ANKRD30BL: variants seen among roughly 807,000 people sequenced by gnomAD.
The protein encoded by ANKRD30BL is ankyrin repeat domain 30B like.
Under a neutral mutation model 18.4 loss-of-function variants are expected in ANKRD30BL, and 20 were observed. The ratio of observed to expected loss-of-function variants is 1.09; its 90% CI spans 0.77 to 1.58. ANKRD30BL has a LOEUF of 1.58. Ranked by LOEUF, ANKRD30BL falls within the 40% of genes most tolerant of loss-of-function variation. The pLI is 0.00. For synonymous variants in ANKRD30BL, 72 were observed against 100.9 expected, an observed-to-expected ratio of 0.71 and a Z score of 1.72; for missense variants, 224 against 268.6, an observed-to-expected ratio of 0.83 and a Z score of 1.16.
chr2:132,248,120 C>G (rs1328919633), intron 1 of ANKRD30BL, among the ~76,000 whole-genome samples: 2 of 152,036 alleles, frequency 1.3e-5, no homozygotes, highest in African/African-American at 4.8e-5. Flanking sequence ...TCACCATAGG[C>G]CTCAAACAGC....
chr2:132,212,711 C>T (rs1679389095), intron 1 of ANKRD30BL, among the ~76,000 whole-genome samples: 1 of 151,504 alleles, frequency 6.6e-6, no homozygotes, highest in Non-Finnish European at 1.5e-5. Context: ...AGAGTTGAAC[C>T]TTTCTTTTCT....
intron 1 of ANKRD30BL, among the ~76,000 whole-genome samples, chr2:132,207,589 T>C (rs1018195140): frequency 2.0e-5 from 3 of 152,150 alleles, no homozygotes; most frequent in Admixed American, 6.6e-5. Context: ...TTCTCCTTTG[T>C]ACAAAGGGGT....
chr2:132,249,014 A>G (rs1251673953), intron 1 of ANKRD30BL, among the ~76,000 whole-genome samples: 1 of 152,102 alleles, frequency 6.6e-6, no homozygotes, highest in Non-Finnish European at 1.5e-5. Context: ...CAGATTGCAC[A>G]AGAAAAGAGT....
chr2:132,240,251 CA>C (rs1425806169), intron 1 of ANKRD30BL, among the ~76,000 whole-genome samples: 6 of 151,798 alleles, frequency 4.0e-5, no homozygotes, highest in East Asian at 1.9e-4. Context: ...AGATTTGAAA[CA>C]CTCTTCTTGT....
At chr2:132,202,064 T>G (rs1334473073) in intron 1 of ANKRD30BL, among the ~76,000 whole-genome samples, 3 of 152,090 alleles carry the variant, frequency 2.0e-5, no homozygotes. Flanking sequence ...ACACCGCATA[T>G]TCTCACTCAT....
intron 1 of ANKRD30BL, among the ~76,000 whole-genome samples, chr2:132,249,348 C>A (rs1017400689): frequency 6.6e-6 from 1 of 152,036 alleles, no homozygotes; most frequent in African/African-American, 2.4e-5. Flanking sequence ...TATCCATTTG[C>A]AGATTCTACA....
At chr2:132,238,551 C>T (rs878878153) in intron 1 of ANKRD30BL, among the ~76,000 whole-genome samples, 1 of 151,838 alleles carries the variant, frequency 6.6e-6, no homozygotes, top group South Asian at 2.1e-4. Flanking sequence ...ATGAAACACT[C>T]TTTTTGTAGA....
At chr2:132,195,023 T>G (rs1324583142) in intron 1 of ANKRD30BL, among the ~76,000 whole-genome samples, 1 of 152,164 alleles carries the variant, frequency 6.6e-6, no homozygotes, top group Admixed American at 6.5e-5. Flanking sequence ...TAGTGTGAAC[T>G]GAAATTTGAG....
chr2:132,186,450 G>A (rs1231911766), intron 1 of ANKRD30BL, among the ~76,000 whole-genome samples: 4 of 152,196 alleles, frequency 2.6e-5, no homozygotes, highest in Non-Finnish European at 5.9e-5. Flanking sequence ...CTGCATGAAT[G>A]TCTAGGCTTC....
chr2:132,253,996 C>T (rs114529703), intron 1 of ANKRD30BL, among the ~76,000 whole-genome samples: 1,746 of 151,778 alleles, frequency 0.012, 37 homozygotes, highest in African/African-American at 0.039. Context: ...GGACAGGGCA[C>T]GATGACAGCC....
At chr2:132,186,889 CA>C (rs1305096023) in intron 1 of ANKRD30BL, among the ~76,000 whole-genome samples, 10 of 151,956 alleles carry the variant, frequency 6.6e-5, no homozygotes, top group Non-Finnish European at 1.3e-4. Context: ...TTCAGAATTG[CA>C]TAGGACATAT....
intron 1 of ANKRD30BL, among the ~76,000 whole-genome samples, chr2:132,249,195 G>C (rs868435668): frequency 6.6e-6 from 1 of 151,848 alleles, no homozygotes; most frequent in African/African-American, 2.4e-5. Flanking sequence ...CAAAAAGACT[G>C]TTTCCAAATT....
chr2:132,172,478 T>A (rs984473204), intron 1 of ANKRD30BL, among the ~76,000 whole-genome samples: 1 of 152,224 alleles, frequency 6.6e-6, no homozygotes, highest in Non-Finnish European at 1.5e-5. Context: ...ATGCTAGTGA[T>A]ATTAAGCCTC....
At chr2:132,231,932 C>T (rs1358947365) in intron 1 of ANKRD30BL, among the ~76,000 whole-genome samples, 2 of 152,176 alleles carry the variant, frequency 1.3e-5, no homozygotes, top group Non-Finnish European at 2.9e-5. Context: ...CTTAAATGTC[C>T]CTGTCTGACA....
intron 1 of ANKRD30BL, among the ~76,000 whole-genome samples, chr2:132,214,776 CT>C (rs1679447178): frequency 6.7e-6 from 1 of 150,172 alleles, no homozygotes; most frequent in Non-Finnish European, 1.5e-5. Flanking sequence ...TGGAAACTCT[CT>C]TTTTGTTGAT....
chr2:132,151,302 T>A (rs1438397281), intron 4 of ANKRD30BL, among the ~76,000 whole-genome samples: 1 of 152,128 alleles, frequency 6.6e-6, no homozygotes, highest in Non-Finnish European at 1.5e-5. Flanking sequence ...ACAAGTTGCT[T>A]CTCTTAGACT....
intron 1 of ANKRD30BL, among the ~76,000 whole-genome samples, chr2:132,243,043 C>T (rs111691153): frequency 4.0e-5 from 6 of 151,146 alleles, no homozygotes; most frequent in African/African-American, 7.3e-5. Flanking sequence ...TCGTTGGAAA[C>T]GGGAATATCT....
intron 1 of ANKRD30BL, among the ~76,000 whole-genome samples, chr2:132,227,204 T>C (rs1414786829): frequency 6.6e-6 from 1 of 152,122 alleles, no homozygotes; most frequent in Non-Finnish European, 1.5e-5. Flanking sequence ...AACGGGAATA[T>C]CTTCACATAA....
chr2:132,220,359 C>T (rs1396606787), intron 1 of ANKRD30BL, among the ~76,000 whole-genome samples: 7 of 130,060 alleles, frequency 5.4e-5, no homozygotes, highest in Non-Finnish European at 9.5e-5. Context: ...TGTCCCTCTC[C>T]CTCTCCCTCT....
Sources: gnomAD v4.1 joint callset for allele counts (sites outside exome capture counted in the v4.1 genomes callset) on GRCh38, gnomAD v4.1.1 for gene constraint, MANE v1.5 for transcripts, NCBI Gene and HGNC (gene_info 2026-07-23, HGNC 2026-07-21) for gene names.